DNAH7: variants seen among roughly 807,000 people sequenced by gnomAD.
The protein encoded by DNAH7 is axonemal beta dynein heavy chain 7.
A neutral mutation model predicts 444.6 loss-of-function variants in DNAH7; 397 were observed. The observed-to-expected ratio is 0.89, with a 90% CI of 0.82 to 0.97. DNAH7 has a LOEUF of 0.97. Ranked by LOEUF, DNAH7 falls within the 50% of genes least tolerant of loss-of-function variation. The probability of loss-of-function intolerance (pLI) is 0.00; values close to 1 mark genes in which losing one functional copy is unlikely to be tolerated. For synonymous variants in DNAH7, 1,636 were observed against 1,624.4 expected (o/e 1.01, Z -0.17); for missense variants, 4,902 against 4,800.8 (o/e 1.02, Z -0.62).
At chr2:195,951,757 C>T (rs1174052969) in intron 19 of DNAH7, among the ~76,000 whole-genome samples, 2 of 149,400 alleles carry the variant, frequency 1.3e-5, no homozygotes, top group Non-Finnish European at 3.0e-5. Flanking sequence ...ATTGCAACCT[C>T]TTTTTTTTTT....
intron 19 of DNAH7, among the ~76,000 whole-genome samples, chr2:195,941,652 A>G (rs144471172): frequency 1.3e-5 from 2 of 152,214 alleles, no homozygotes; most frequent in East Asian, 3.9e-4. Context: ...TGCCTGGTAA[A>G]TTTCTGGGAG....
At chr2:195,777,775 T>C (rs750093987) in intron 59 of DNAH7, 25 bp downstream of exon 59, 1 of 1,578,904 alleles carries the variant, frequency 6.3e-7, no homozygotes, top group South Asian at 1.1e-5. Context: ...TTACTGCTTT[T>C]AGTTTTTTTG....
At chr2:195,951,131 T>C (rs1165570166) in intron 19 of DNAH7, among the ~76,000 whole-genome samples, 2 of 152,156 alleles carry the variant, frequency 1.3e-5, no homozygotes, top group East Asian at 3.8e-4. Context: ...GAGATTCTGG[T>C]ATGTTGTGTC....
At chr2:196,055,085 T>C (rs945640537) in intron 2 of DNAH7, among the ~76,000 whole-genome samples, 10 of 152,226 alleles carry the variant, frequency 6.6e-5, no homozygotes, top group African/African-American at 2.4e-4. Flanking sequence ...CTGGGCACAA[T>C]GGCTCACAGC....
chr2:195,744,564 T>C (rs1356382305), intron 63 of DNAH7, among the ~76,000 whole-genome samples: 1 of 152,356 alleles, frequency 6.6e-6, no homozygotes, highest in Admixed American at 6.5e-5. Context: ...AGTGGGTCCC[T>C]GACCCCTCAC....
At position 195,818,870 on chromosome 2, in the gene DNAH7, T is replaced by C. The variant is rs974978486; in HGVS notation, c.9292-1041A>G. ...GACCTAATGTCTTGAATCACATCTA[T>C]GTCTTTTTTTAATAATAAAGATGGC... On this transcript the variant is annotated intron_variant, in intron 49 of 64. Coordinates refer to ENST00000312428, the MANE Select transcript of DNAH7 (RefSeq NM_018897.3). 3.3e-5 allele frequency among the ~76,000 whole-genome samples: 5 copies of C among 152,160 alleles called. 1 individual carries two copies. Among genetic ancestry groups the C allele is most frequent in the Non-Finnish European group, 7.3e-5 (5 of 68,028 alleles).
In DNAH7 at chr2:195,737,967, T is replaced by C. The variant is rs1213701697; in HGVS notation, c.12029A>G (p.His4010Arg). ...MTLPSDQPKEHWIGRGVALLC... is the reference protein window; with the variant it reads ...MTLPSDQPKERWIGRGVALLC... ...CAGTGCTACACCTCGTCCAATCCAG[T>C]GTTCCTTGGGTTGGTCAGAGGGAAG... Residue 4010 changes from histidine to arginine, a missense_variant, in exon 65 of 65, where the codon CAC becomes CGC. Coordinates refer to ENST00000312428, the MANE Select transcript of DNAH7 (RefSeq NM_018897.3). 4 of 1,614,112 alleles carry C rather than the reference T, an allele frequency of 2.5e-6. No individual in the cohort carries two copies. The highest frequency in any genetic ancestry group is 2.7e-5 in the African/African-American group (2 of 75,062).
chr2:196,053,494 T>A (rs1179750245), intron 2 of DNAH7, among the ~76,000 whole-genome samples: 1 of 152,216 alleles, frequency 6.6e-6, no homozygotes, highest in Non-Finnish European at 1.5e-5. Flanking sequence ...AAAAGCTATT[T>A]CATAAATGGT....
chr2:195,740,036 T>C (rs909949692), intron 64 of DNAH7, among the ~76,000 whole-genome samples: 2 of 152,108 alleles, frequency 1.3e-5, no homozygotes, highest in Admixed American at 6.5e-5. Flanking sequence ...CAGGCTGGAG[T>C]GCAATGGTGC....
chr2:195,860,619 C>T (rs1490783317), intron 42 of DNAH7, among the ~76,000 whole-genome samples: 3 of 151,976 alleles, frequency 2.0e-5, no homozygotes, highest in Non-Finnish European at 4.4e-5. Context: ...TATCCATATC[C>T]AGGTAGCATG....
At chr2:195,992,036 A>G (rs1574968437) in intron 12 of DNAH7, among the ~76,000 whole-genome samples, 1 of 152,218 alleles carries the variant, frequency 6.6e-6, no homozygotes, top group East Asian at 1.9e-4. Flanking sequence ...AGTTTCAACA[A>G]AACACACAAC....
intron 9 of DNAH7, among the ~76,000 whole-genome samples, chr2:196,014,634 T>C (rs911383625): frequency 7.2e-5 from 11 of 152,186 alleles, no homozygotes; most frequent in African/African-American, 2.2e-4. Flanking sequence ...ACTCTGGACT[T>C]AGCATCAAGT....
chr2:196,023,407 A>G (rs1321151444), intron 8 of DNAH7, among the ~76,000 whole-genome samples: 3 of 152,230 alleles, frequency 2.0e-5, no homozygotes, highest in East Asian at 1.9e-4. Context: ...TTAAGGCAAC[A>G]TAAGAACTGC....
At chr2:195,876,522 G>A (rs759668692) in intron 37 of DNAH7, 22 bp downstream of exon 37, 1 of 1,611,192 alleles carries the variant, frequency 6.2e-7, no homozygotes, top group African/African-American at 1.3e-5. Context: ...ATAGGCCCGG[G>A]TACTGTACAA....
At position 195,855,603 on chromosome 2, in the gene DNAH7, T is replaced by G. The variant is rs1347590499; in HGVS notation, c.8595+208A>C. 2.0e-5 allele frequency among the ~76,000 whole-genome samples: 3 copies of G among 152,296 alleles called. No homozygotes were observed. The East Asian group carries it at 5.8e-4, about 29-fold the overall frequency. On this transcript the variant is annotated intron_variant, in intron 45 of 64. Transcript: ENST00000312428. ...ATTTCATGGGTATTTATATGGCCAT[T>G]AATATGTAATTATTTTAAAATGTCA...
chr2:195,746,587 T>C (rs977863516), intron 63 of DNAH7, among the ~76,000 whole-genome samples: 11 of 152,146 alleles, frequency 7.2e-5, no homozygotes, highest in Non-Finnish European at 1.6e-4. Flanking sequence ...ATTGACCACA[T>C]AGTTGGAAGT....
In DNAH7 at chr2:196,013,547, C is replaced by T. The variant is rs1381517159; in HGVS notation, c.870-641G>A. Reference sequence around the variant, plus strand: ...AGCATTAACTTGTTCTTTAAAAAATCACATTTAATGTTTCCTTAAAGACCA... The same window carrying T: ...AGCATTAACTTGTTCTTTAAAAAATTACATTTAATGTTTCCTTAAAGACCA... On this transcript the variant is annotated intron_variant, in intron 9 of 64. Transcript: ENST00000312428. Among the ~76,000 whole-genome samples the T allele has an allele frequency of 3.3e-5, 5 of 152,106 alleles. No individual in the cohort carries two copies. The South Asian group carries it at 1.0e-3, about 32-fold the overall frequency.
At chr2:195,771,516 A>G in intron 61 of DNAH7, 144 bp downstream of exon 61, 1 of 655,722 alleles carries the variant, frequency 1.5e-6, no homozygotes, top group South Asian at 2.0e-5. Flanking sequence ...AAGCTCCTCA[A>G]GGGCAAGAAT....
At chr2:195,911,347 G>A (rs1309018183) in intron 24 of DNAH7, among the ~76,000 whole-genome samples, 1 of 152,034 alleles carries the variant, frequency 6.6e-6, no homozygotes, top group Non-Finnish European at 1.5e-5. Context: ...TTAAATAGCA[G>A]AATAAACATA....
Sources: allele counts gnomAD v4.1 joint callset (sites outside exome capture counted in the v4.1 genomes callset), GRCh38; gene constraint gnomAD v4.1.1; transcripts MANE v1.5; gene names NCBI Gene and HGNC (gene_info 2026-07-23, HGNC 2026-07-21).